The following TBC1D19 variants were observed in gnomAD, a reference collection of about 807,000 sequenced individuals.
TBC1D19 encodes the protein TBC1 domain family member 19, also known as TBC1 domain family, member 19.
TBC1D19 carries 60 observed loss-of-function variants against 89.0 expected under a neutral mutation model. The observed-to-expected ratio is 0.67, with a 90% CI of 0.55 to 0.84. TBC1D19 has a LOEUF of 0.84. Among genes scored for constraint, TBC1D19 ranks in the 40% least tolerant of loss-of-function variants. TBC1D19 has a pLI of 0.00. For synonymous variants in TBC1D19, 189 were observed against 199.7 expected (o/e 0.95, Z 0.45); for missense variants, 500 against 610.8 (o/e 0.82, Z 1.91).
Position 26,739,984 on chromosome 4 carries a change from A to G in TBC1D19, c.1227+11A>G. 6.6e-7 allele frequency: 1 copy of G among 1,512,698 alleles called. No homozygotes were observed. The highest frequency in any genetic ancestry group is 9.0e-7 in the Non-Finnish European group (1 of 1,114,612). The allele number at this position is 1,512,698 out of a possible 1,614,324, so 93.7% of individuals were successfully genotyped here. A position where few individuals can be genotyped will look rare whatever the true frequency, so the allele number is the denominator to read the frequency against. ...TCTTCTCATCCTTCTGTAAGTTCAT[A>G]AGAAAAACTTGATCAAATTAGGTTG... On this transcript the variant is annotated intron_variant, in intron 17 of 20. Transcript: ENST00000264866.
chr4:26,730,054 A>G (rs1292177311), intron 15 of TBC1D19, among the ~76,000 whole-genome samples: 1 of 152,122 alleles, frequency 6.6e-6, no homozygotes, highest in Non-Finnish European at 1.5e-5. Context: ...AGTTTGGAGG[A>G]AAGGATACCA....
intron 18 of TBC1D19, among the ~76,000 whole-genome samples, chr4:26,745,095 C>T (rs1430189294): frequency 6.6e-6 from 1 of 151,868 alleles, no homozygotes; most frequent in East Asian, 1.9e-4. Flanking sequence ...TGTTTTATTC[C>T]TAGTAATAAA....
chr4:26,632,252 T>A (rs1420499112), intron 4 of TBC1D19, among the ~76,000 whole-genome samples: 1 of 151,910 alleles, frequency 6.6e-6, no homozygotes, highest in Non-Finnish European at 1.5e-5. Context: ...CTTCATGCAG[T>A]CAAAAATTCA....
At chr4:26,827,732 A>C in the TBC1D19 span, among the ~76,000 whole-genome samples, 1 of 100,786 alleles carries the variant, frequency 9.9e-6, no homozygotes, top group Non-Finnish European at 2.0e-5. Flanking sequence ...TTTTTTTTTG[A>C]TAGGGTCTTG....
intron 7 of TBC1D19, among the ~76,000 whole-genome samples, chr4:26,654,515 CA>C (rs1368032673): frequency 6.6e-6 from 1 of 152,202 alleles, no homozygotes; most frequent in Non-Finnish European, 1.5e-5. Flanking sequence ...GTACACCAGT[CA>C]GACACAGATT....
chr4:26,826,265 C>G, the TBC1D19 span, among the ~76,000 whole-genome samples: 43 of 152,218 alleles, frequency 2.8e-4, no homozygotes, highest in Non-Finnish European at 4.0e-4. Context: ...CAATTTAATT[C>G]CCACTGCACA....
intron 15 of TBC1D19, among the ~76,000 whole-genome samples, chr4:26,733,629 T>G (rs1318110379): frequency 6.6e-6 from 1 of 152,228 alleles, no homozygotes; most frequent in Non-Finnish European, 1.5e-5. Context: ...CCCGTCATGT[T>G]CAGCATTTTT....
chr4:26,666,493 T>A, intron 9 of TBC1D19, 88 bp downstream of exon 9: 1 of 1,109,292 alleles, frequency 9.0e-7, no homozygotes, highest in Non-Finnish European at 1.3e-6. Context: ...ATCTAGCAAT[T>A]TTTTTATATC....
chr4:26,748,758 A>T lies in TBC1D19; in HGVS notation c.1435+232A>T, dbSNP rs542992437. Among the ~76,000 whole-genome samples, 100 of 152,276 alleles carry T rather than the reference A, an allele frequency of 6.6e-4. 1 individual carries two copies. Among genetic ancestry groups the T allele is most frequent in the Admixed American group, 1.9e-3 (29 of 15,296 alleles). ...AGTCTTTCTTCCCAGCTCCCAGGAAAGTTCATTTTCCCTTCCCTTTCCCTC... is the reference window on the plus strand; with the variant it reads ...AGTCTTTCTTCCCAGCTCCCAGGAATGTTCATTTTCCCTTCCCTTTCCCTC... On this transcript the variant is annotated intron_variant, in intron 19 of 20. Transcript: ENST00000264866.
At chr4:26,754,138 C>A (rs962771564) in intron 20 of TBC1D19, 3 of 394,556 alleles carry the variant, frequency 7.6e-6, no homozygotes, top group Non-Finnish European at 1.4e-5. Context: ...ATATGGGAAA[C>A]CAGATACCTG....
rs533095541 is a variant in TBC1D19, at chr4:26,691,733, C to T, written c.954+3326C>T. On this transcript the variant is annotated intron_variant, in intron 13 of 20. Coordinates refer to ENST00000264866, the MANE Select transcript of TBC1D19 (RefSeq NM_018317.4). ...AAAATTTGTGTGATTTGCTTTATTA[C>T]GATATTCACTTTATTGTGGTGGTCT... Among the ~76,000 whole-genome samples, 15 of 152,200 alleles carry T rather than the reference C, an allele frequency of 9.9e-5. No individual in the cohort carries two copies. In the East Asian group the frequency reaches 1.5e-3, roughly 16 times the overall value.
chr4:26,778,602 C>T, the TBC1D19 span, among the ~76,000 whole-genome samples: 1 of 152,142 alleles, frequency 6.6e-6, no homozygotes, highest in Non-Finnish European at 1.5e-5. Flanking sequence ...TATTACCCTG[C>T]CGCCTGGGTC....
chr4:26,606,554 A>T (rs1018678437), intron 1 of TBC1D19, among the ~76,000 whole-genome samples: 1 of 152,224 alleles, frequency 6.6e-6, no homozygotes, highest in African/African-American at 2.4e-5. Flanking sequence ...AGAATTTTCC[A>T]GTAGAATAGT....
chr4:26,807,776 T>C, the TBC1D19 span, among the ~76,000 whole-genome samples: 1 of 152,190 alleles, frequency 6.6e-6, no homozygotes, highest in Non-Finnish European at 1.5e-5. Context: ...ACATACTTAT[T>C]TACAGAACAT....
intron 13 of TBC1D19, among the ~76,000 whole-genome samples, chr4:26,711,935 A>C (rs1716220762): frequency 6.6e-6 from 1 of 152,066 alleles, no homozygotes; most frequent in Non-Finnish European, 1.5e-5. Context: ...CACTTCTGGC[A>C]TTATCACCTT....
At chr4:26,842,626 TTCTTTCTTTCTTTC>T in the TBC1D19 span, among the ~76,000 whole-genome samples, 2 of 146,838 alleles carry the variant, frequency 1.4e-5, no homozygotes, top group African/African-American at 5.1e-5. Flanking sequence ...CTTTCTTTCT[TTCTTTCTTTCTTTC>T]TTTCTTTTTC....
At chr4:26,646,841 T>C (rs898668706) in intron 7 of TBC1D19, among the ~76,000 whole-genome samples, 4 of 152,082 alleles carry the variant, frequency 2.6e-5, no homozygotes, top group African/African-American at 4.8e-5. Context: ...ATGTAAATGA[T>C]AAGTTAATGA....
intron 1 of TBC1D19, among the ~76,000 whole-genome samples, chr4:26,602,550 C>T (rs1339343845): frequency 6.6e-6 from 1 of 150,800 alleles, no homozygotes; most frequent in Non-Finnish European, 1.5e-5. Flanking sequence ...ATGCCAGTCT[C>T]CTGCCTTAGC....
the TBC1D19 span, among the ~76,000 whole-genome samples, chr4:26,825,091 C>A: frequency 6.8e-6 from 1 of 147,664 alleles, no homozygotes; most frequent in East Asian, 2.0e-4. Context: ...TCTTCATTTG[C>A]AATAATTTAG....
Sources: gnomAD v4.1 joint callset for allele counts (sites outside exome capture counted in the v4.1 genomes callset) on GRCh38, gnomAD v4.1.1 for gene constraint, MANE v1.5 for transcripts, NCBI Gene and HGNC (gene_info 2026-07-23, HGNC 2026-07-21) for gene names.